The following SORCS3 variants were observed in gnomAD, a reference collection of about 807,000 sequenced individuals.
SORCS3 encodes VPS10 domain-containing receptor SorCS3.
In SORCS3, 57 loss-of-function variants were observed where a neutral mutation model predicts 146.3. The observed-to-expected ratio is 0.39, with a 90% CI of 0.31 to 0.49. The LOEUF is 0.49. SORCS3 is among the 20% of genes least tolerant of loss of function. The probability of loss-of-function intolerance (pLI) is 0.92; values close to 1 mark genes in which losing one functional copy is unlikely to be tolerated. For missense variants in SORCS3, 1,341 were observed against 1,575.5 expected (o/e 0.85, Z 2.52); for synonymous variants, 653 against 618.5 (o/e 1.06, Z -0.83).
At chr10:105,058,017 C>T (rs1022498441) in intron 5 of SORCS3, among the ~76,000 whole-genome samples, 2 of 152,324 alleles carry the variant, frequency 1.3e-5, no homozygotes, top group African/African-American at 2.4e-5. Flanking sequence ...CTCATCTCCC[C>T]GCTGGACAGC....
intron 1 of SORCS3, among the ~76,000 whole-genome samples, chr10:104,743,038 T>G (rs1038444973): frequency 1.3e-5 from 2 of 152,182 alleles, no homozygotes; most frequent in African/African-American, 2.4e-5. Flanking sequence ...TTTAAAAAAT[T>G]TCATAATAAT....
intron 3 of SORCS3, among the ~76,000 whole-genome samples, chr10:104,927,770 C>T (rs886434315): frequency 8.6e-5 from 13 of 151,482 alleles, no homozygotes; most frequent in African/African-American, 2.9e-4. Context: ...CCTAGCTACT[C>T]GGGAGGCTGA....
chr10:105,056,922 C>T lies in SORCS3; in HGVS notation c.1028+13794C>T, dbSNP rs530873042. On this transcript the variant is annotated intron_variant, in intron 5 of 26. Coordinates refer to ENST00000369701, the MANE Select transcript of SORCS3 (RefSeq NM_014978.3). ...ACAAAATTTCAGTTAGATTGTATGA[C>T]TATTTTACATCTTTTAAAAAAACTT... 4.6e-5 allele frequency among the ~76,000 whole-genome samples: 7 copies of T among 152,198 alleles called. No homozygotes were observed. The South Asian group carries it at 1.5e-3, about 32-fold the overall frequency.
chr10:105,048,521 A>T (rs1427415340), intron 5 of SORCS3, among the ~76,000 whole-genome samples: 3 of 125,184 alleles, frequency 2.4e-5, no homozygotes, highest in Non-Finnish European at 4.8e-5. Context: ...AACATCACAC[A>T]CTGGGGCCTG....
At chr10:105,241,264 G>A (rs949508092) in intron 20 of SORCS3, among the ~76,000 whole-genome samples, 2 of 152,280 alleles carry the variant, frequency 1.3e-5, no homozygotes, top group East Asian at 1.9e-4. Context: ...GCATGTGAGC[G>A]AGTTAGTGTG....
At chr10:105,252,749 C>A (rs757828986) in intron 22 of SORCS3, 26 bp from the exon 23 acceptor site, 10 of 1,613,490 alleles carry the variant, frequency 6.2e-6, no homozygotes, top group Non-Finnish European at 8.5e-6. Flanking sequence ...CCTCCACAGC[C>A]TCTCTTTGTC....
intron 1 of SORCS3, among the ~76,000 whole-genome samples, chr10:104,766,995 G>A (rs996329105): frequency 6.6e-6 from 1 of 152,144 alleles, no homozygotes; most frequent in Non-Finnish European, 1.5e-5. Context: ...TTATCCCTGG[G>A]TAATGATCTT....
rs540240362 is a variant in SORCS3, at chr10:104,648,567, G to A, written c.627+6613G>A. On this transcript the variant is annotated intron_variant, in intron 1 of 26. Coordinates refer to ENST00000369701, the MANE Select transcript of SORCS3 (RefSeq NM_014978.3). ...AACCTGCCCACCCACCGCGGTGGCT[G>A]CAGACAATGAATAACAAGCTAGTTA... Among the ~76,000 whole-genome samples, 13 of 152,258 alleles carry A rather than the reference G, an allele frequency of 8.5e-5. No homozygotes were observed. In the East Asian group the frequency reaches 2.5e-3, roughly 29 times the overall value.
At chr10:104,735,245 G>A (rs1272302059) in intron 1 of SORCS3, among the ~76,000 whole-genome samples, 1 of 152,058 alleles carries the variant, frequency 6.6e-6, no homozygotes, top group Non-Finnish European at 1.5e-5. Context: ...TGGCACTTAT[G>A]CCAGCCATTC....
chr10:104,841,254 C>A (rs1299303241), intron 1 of SORCS3, among the ~76,000 whole-genome samples: 2 of 152,158 alleles, frequency 1.3e-5, no homozygotes, highest in Non-Finnish European at 2.9e-5. Flanking sequence ...TGCATGGGTT[C>A]CTCACTCCTT....
chr10:104,812,223 A>G (rs1278934667), intron 1 of SORCS3, among the ~76,000 whole-genome samples: 2 of 152,118 alleles, frequency 1.3e-5, no homozygotes, highest in African/African-American at 4.8e-5. Context: ...CCCACTAGCT[A>G]GGCCCCATCC....
intron 2 of SORCS3, among the ~76,000 whole-genome samples, chr10:104,877,787 T>C (rs563630269): frequency 6.6e-6 from 1 of 152,356 alleles, no homozygotes; most frequent in South Asian, 2.1e-4. Context: ...TTCTTCCCTA[T>C]GGTTTTCTGC....
chr10:105,087,737 A>G (rs556892261), intron 5 of SORCS3, among the ~76,000 whole-genome samples: 6 of 152,332 alleles, frequency 3.9e-5, no homozygotes, highest in East Asian at 3.9e-4. Context: ...TTTAAAGTTT[A>G]TATCCAAATA....
chr10:105,151,998 C>T (rs1406002504), intron 9 of SORCS3, among the ~76,000 whole-genome samples: 1 of 152,160 alleles, frequency 6.6e-6, no homozygotes, highest in Non-Finnish European at 1.5e-5. Context: ...TCTCGTAACA[C>T]TCTTTTCATA....
chr10:105,211,012 A>G (rs1264369698), intron 16 of SORCS3, 125 bp from the exon 17 acceptor site: 1 of 609,604 alleles, frequency 1.6e-6, no homozygotes, highest in Non-Finnish European at 3.0e-6. Context: ...CTCACTGGGG[A>G]TATTTAAAAC....
intron 1 of SORCS3, among the ~76,000 whole-genome samples, chr10:104,729,549 G>A (rs558665726): frequency 6.6e-6 from 1 of 152,340 alleles, no homozygotes; most frequent in Non-Finnish European, 1.5e-5. Flanking sequence ...GTTCAGGCTT[G>A]AAGAAATGAA....
In SORCS3 at chr10:105,214,584, A is replaced by G. The variant is rs2056654538; in HGVS notation, c.2518A>G (p.Asn840Asp). 1 of 1,600,228 alleles carries G rather than the reference A, an allele frequency of 6.2e-7. No homozygotes were observed. The highest frequency in any genetic ancestry group is 1.1e-5 in the South Asian group (1 of 89,222). Residue 840 changes from asparagine to aspartate, a missense_variant, in exon 18 of 27, where the codon AAT becomes GAT. Asn to Asp is a conservative substitution (Grantham distance 23). Coordinates refer to ENST00000369701, the MANE Select transcript of SORCS3 (RefSeq NM_014978.3). ...DGRLVAEQGH[N>D]ATFIILMEEG... Reference sequence around the variant, plus strand: ...GCGGCTGGTGGCAGAGCAGGGGCACAATGCAACTTTCATCATCCTCATGGA... The same window carrying G: ...GCGGCTGGTGGCAGAGCAGGGGCACGATGCAACTTTCATCATCCTCATGGA...
At chr10:104,848,139 G>C (rs1343016541) in intron 2 of SORCS3, among the ~76,000 whole-genome samples, 1 of 152,056 alleles carries the variant, frequency 6.6e-6, no homozygotes, top group Non-Finnish European at 1.5e-5. Context: ...CCTGACGAAA[G>C]TTTTCAATAG....
intron 1 of SORCS3, among the ~76,000 whole-genome samples, chr10:104,673,371 T>C (rs937789946): frequency 1.3e-5 from 2 of 152,122 alleles, no homozygotes; most frequent in Non-Finnish European, 2.9e-5. Flanking sequence ...TGTGTGTGTT[T>C]AGTTGATATT....
Sources: allele counts gnomAD v4.1 joint callset (sites outside exome capture counted in the v4.1 genomes callset), GRCh38; gene constraint gnomAD v4.1.1; transcripts MANE v1.5; gene names NCBI Gene and HGNC (gene_info 2026-07-23, HGNC 2026-07-21).